TNS1: variants seen among roughly 807,000 people sequenced by gnomAD.
TNS1 encodes the protein tensin-1.
TNS1 carries 62 observed loss-of-function variants against 168.6 expected under a neutral mutation model. The observed-to-expected ratio is 0.37, with a 90% confidence interval of 0.30 to 0.45. The LOEUF is 0.45. TNS1 is among the 20% of genes least tolerant of loss of function. The pLI, the probability that TNS1 is intolerant of heterozygous loss-of-function variation, is 1.00. For missense variants in TNS1, 2,240 were observed against 2,339.4 expected (o/e 0.96, Z 0.88); for synonymous variants, 934 against 933.2 (o/e 1.00, Z -0.02).
intron 1 of TNS1, among the ~76,000 whole-genome samples, chr2:218,026,157 T>A (rs1353456882): frequency 6.6e-6 from 1 of 152,190 alleles, no homozygotes; most frequent in Non-Finnish European, 1.5e-5. Flanking sequence ...TGTCCCACAC[T>A]ATACTAAATG....
intron 2 of TNS1, among the ~76,000 whole-genome samples, chr2:217,982,063 T>G (rs551374008): frequency 3.0e-4 from 46 of 152,342 alleles, no homozygotes; most frequent in African/African-American, 1.0e-3. Context: ...AAAGACACTT[T>G]GACTTCAGCC....
chr2:217,939,868 T>C (rs1227740159), intron 3 of TNS1, among the ~76,000 whole-genome samples: 1 of 151,948 alleles, frequency 6.6e-6, no homozygotes, highest in Non-Finnish European at 1.5e-5. Context: ...TTGAGGGAAG[T>C]TGAGGTGGGG....
chr2:217,856,574 T>C (rs939191509), intron 18 of TNS1, among the ~76,000 whole-genome samples: 19 of 152,094 alleles, frequency 1.2e-4, no homozygotes, highest in African/African-American at 4.6e-4. Flanking sequence ...CCGGAACCTC[T>C]GAAGGAGAGC....
intron 3 of TNS1, among the ~76,000 whole-genome samples, chr2:217,935,933 G>A (rs1956581712): frequency 6.6e-6 from 1 of 152,216 alleles, no homozygotes. Context: ...CACTGTGAAG[G>A]TGACCCCCAC....
rs770551212 is a variant in TNS1, at chr2:217,800,299, C to G, written c.*4160G>C. ...TGGGATATGAACAGAGGTCCTCCAA[C>G]ATTTTGGACATTTGAGGACAGAGGT... On this transcript the variant is annotated 3_prime_UTR_variant, in exon 33 of 33. Coordinates refer to ENST00000682258, the MANE Select transcript of TNS1 (RefSeq NM_001387777.1). 2.0e-5 allele frequency: 3 copies of G among 152,250 alleles called. No individual in the cohort carries two copies. The highest frequency in any genetic ancestry group is 2.9e-5 in the Non-Finnish European group (2 of 68,068). 9.4% of individuals were successfully genotyped at this position (152,250 alleles called of 1,614,324 possible).
At chr2:217,966,268 CGTGT>C (rs3838555) in intron 3 of TNS1, among the ~76,000 whole-genome samples, 5,182 of 140,642 alleles carry the variant, frequency 0.037, 153 homozygotes, top group African/African-American at 0.08. Flanking sequence ...GAGCAGGCTG[CGTGT>C]GTGTGTGTGT....
Position 217,801,618 on chromosome 2 carries a change from T to C in TNS1, c.*2841A>G, listed in dbSNP as rs1263921348. On this transcript the variant is annotated 3_prime_UTR_variant, in exon 33 of 33. Coordinates refer to ENST00000682258, the MANE Select transcript of TNS1 (RefSeq NM_001387777.1). ...GGGAGAAGACAGAAGAAGATAAACATTTACAAAATAATAATTAGTAAAAGT... is the reference window on the plus strand; with the variant it reads ...GGGAGAAGACAGAAGAAGATAAACACTTACAAAATAATAATTAGTAAAAGT... 1 of 152,272 alleles carries C rather than the reference T, an allele frequency of 6.6e-6. No individual in the cohort carries two copies. Among genetic ancestry groups the C allele is most frequent in the Non-Finnish European group, 1.5e-5 (1 of 68,056 alleles). 9.4% of individuals were successfully genotyped at this position (152,272 alleles called of 1,614,324 possible).
At chr2:217,864,086 G>A (rs1438370784) in intron 18 of TNS1, among the ~76,000 whole-genome samples, 1 of 152,196 alleles carries the variant, frequency 6.6e-6, no homozygotes, top group Non-Finnish European at 1.5e-5. Flanking sequence ...CTAAGAACAG[G>A]ACAGGAGCCC....
chr2:217,826,676 C>T (rs1053103773), intron 22 of TNS1, among the ~76,000 whole-genome samples: 1 of 152,244 alleles, frequency 6.6e-6, no homozygotes, highest in Non-Finnish European at 1.5e-5. Flanking sequence ...CTGTTTTCCT[C>T]CTTCCCTCCA....
chr2:217,832,937 A>AACAC (rs143114343), intron 21 of TNS1, among the ~76,000 whole-genome samples: 4 of 150,202 alleles, frequency 2.7e-5, no homozygotes, highest in Non-Finnish European at 4.5e-5. Context: ...CACACACACA[A>AACAC]ACACACACAC....
chr2:217,971,729 C>T (rs1444171700), intron 3 of TNS1, among the ~76,000 whole-genome samples: 4 of 152,164 alleles, frequency 2.6e-5, no homozygotes, highest in Admixed American at 6.5e-5. Context: ...CAGGTCAGGT[C>T]GTAGCCAAAA....
At chr2:217,874,696 C>A (rs1212108913) in intron 18 of TNS1, among the ~76,000 whole-genome samples, 3 of 152,136 alleles carry the variant, frequency 2.0e-5, no homozygotes, top group Non-Finnish European at 4.4e-5. Context: ...TCCAGCACTT[C>A]AATAATAATA....
At position 217,880,169 on chromosome 2, in the gene TNS1, A is replaced by T. The variant is rs1950557874; in HGVS notation, c.1429+729T>A. Reference sequence around the variant, plus strand: ...CATGCTCACTTTCGGAGCCCGCCCCACGTCTCCTTACACATATGCAGATAG... The same window carrying T: ...CATGCTCACTTTCGGAGCCCGCCCCTCGTCTCCTTACACATATGCAGATAG... On this transcript the variant is annotated intron_variant, in intron 18 of 32. Coordinates refer to ENST00000682258, the MANE Select transcript of TNS1 (RefSeq NM_001387777.1). This position sits in a 1 kb window ranked among gnomAD's most constrained non-coding sequence, Gnocchi z 4.2. 6.6e-6 allele frequency among the ~76,000 whole-genome samples: 1 copy of T among 152,352 alleles called. No homozygotes were observed.
chr2:218,028,519 TG>T (rs1281875071), intron 1 of TNS1, among the ~76,000 whole-genome samples: 6 of 152,218 alleles, frequency 3.9e-5, no homozygotes, highest in Non-Finnish European at 8.8e-5. Context: ...GCTAAGTGCC[TG>T]GGATACCAGG....
intron 3 of TNS1, among the ~76,000 whole-genome samples, chr2:217,966,323 G>GTC (rs1207654409): frequency 6.6e-6 from 1 of 151,830 alleles, no homozygotes; most frequent in African/African-American, 2.4e-5. Flanking sequence ...GCGCGCGCGT[G>GTC]TGTAAGGAGA....
chr2:217,890,771 C>A, intron 12 of TNS1, 191 bp downstream of exon 12: 2 of 618,994 alleles, frequency 3.2e-6, no homozygotes, highest in Non-Finnish European at 5.7e-6. Flanking sequence ...TGCGGGCACA[C>A]ACCACAGGCT....
At chr2:217,839,422 G>C (rs1945631116) in intron 19 of TNS1, among the ~76,000 whole-genome samples, 1 of 152,072 alleles carries the variant, frequency 6.6e-6, no homozygotes, top group African/African-American at 2.4e-5. Context: ...CTGAGGAGCA[G>C]GGCACCAGAG....
At chr2:217,833,779 T>G (rs1944792749) in intron 21 of TNS1, among the ~76,000 whole-genome samples, 1 of 152,258 alleles carries the variant, frequency 6.6e-6, no homozygotes, top group Non-Finnish European at 1.5e-5. Context: ...ACACAGGGTT[T>G]TAAAGTATGA....
At chr2:217,836,345 G>T in intron 19 of TNS1, 134 bp from the exon 20 acceptor site, 1 of 850,992 alleles carries the variant, frequency 1.2e-6, no homozygotes, top group Non-Finnish European at 1.8e-6. Flanking sequence ...ATCCCCCATT[G>T]TCTTCCCCTC....
Sources: gnomAD v4.1 joint callset for allele counts (sites outside exome capture counted in the v4.1 genomes callset) on GRCh38, gnomAD v4.1.1 for gene constraint, Gnocchi (gnomAD v3.1) non-coding constraint, MANE v1.5 for transcripts, NCBI Gene and HGNC (gene_info 2026-07-23, HGNC 2026-07-21) for gene names.